LRRC4C: variants seen among roughly 807,000 people sequenced by gnomAD.
The protein encoded by LRRC4C is leucine-rich repeat-containing protein 4C.
A neutral mutation model predicts 33.6 loss-of-function variants in LRRC4C; 5 were observed. The observed-to-expected ratio is 0.15, with a 90% CI of 0.08 to 0.31. The LOEUF (loss-of-function observed/expected upper bound fraction) is 0.31, where lower values mean the gene tolerates loss of function less well. LRRC4C is among the 10% of genes least tolerant of loss of function. The probability of loss-of-function intolerance (pLI) is 1.00; values close to 1 mark genes in which losing one functional copy is unlikely to be tolerated. For synonymous variants in LRRC4C, 329 were observed against 302.0 expected, an observed-to-expected ratio of 1.09 and a Z score of -0.93; for missense variants, 560 against 796.7, an observed-to-expected ratio of 0.70 and a Z score of 3.58.
At chr11:40,200,180 T>TAAAAAAAA (rs56269292) in intron 5 of LRRC4C, among the ~76,000 whole-genome samples, 4 of 26,046 alleles carry the variant, frequency 1.5e-4, no homozygotes, top group East Asian at 1.4e-3. Context: ...CTGTCTCCAC[T>TAAAAAAAA]AAAAAAAAAA....
chr11:40,948,505 T>G (rs1206166940), intron 1 of LRRC4C, among the ~76,000 whole-genome samples: 37 of 139,218 alleles, frequency 2.7e-4, no homozygotes, highest in African/African-American at 9.3e-4. Context: ...CTCCCAATGC[T>G]ATCCCTCCCC....
intron 2 of LRRC4C, among the ~76,000 whole-genome samples, chr11:40,764,034 G>A (rs1400470730): frequency 6.6e-6 from 1 of 152,138 alleles, no homozygotes; most frequent in African/African-American, 2.4e-5. Context: ...ATTGCAGCTT[G>A]CACTTTGGGG....
intron 3 of LRRC4C, among the ~76,000 whole-genome samples, chr11:40,356,095 T>C (rs1417300386): frequency 6.6e-6 from 1 of 152,118 alleles, no homozygotes. Context: ...TCTTATATTT[T>C]CAGGGTCTCG....
At chr11:40,446,590 T>G (rs1651409994) in intron 3 of LRRC4C, 2 of 152,152 alleles carry the variant, frequency 1.3e-5, no homozygotes, top group African/African-American at 2.4e-5. Context: ...TGTATTAGTC[T>G]GTTGTCAAAT....
At chr11:40,476,349 T>C (rs1352207261) in intron 3 of LRRC4C, among the ~76,000 whole-genome samples, 4 of 144,012 alleles carry the variant, frequency 2.8e-5, no homozygotes, top group Non-Finnish European at 3.0e-5. Flanking sequence ...CTTCTTTTTT[T>C]TTTTTTTTTT....
chr11:41,447,184 G>C (rs962676386), intron 1 of LRRC4C, among the ~76,000 whole-genome samples: 2 of 152,054 alleles, frequency 1.3e-5, no homozygotes, highest in African/African-American at 4.8e-5. Context: ...ACAATTATTA[G>C]CTGTATTATC....
intron 4 of LRRC4C, among the ~76,000 whole-genome samples, chr11:40,286,354 T>C (rs139282868): frequency 1.3e-5 from 2 of 152,256 alleles, no homozygotes; most frequent in East Asian, 3.9e-4. Flanking sequence ...TACTAGATAC[T>C]TGTAAACCCG....
chr11:40,337,072 C>G (rs182022109), intron 3 of LRRC4C, among the ~76,000 whole-genome samples: 6 of 150,274 alleles, frequency 4.0e-5, no homozygotes, highest in African/African-American at 1.5e-4. Context: ...AGCGCACATC[C>G]GAAGCGAGAC....
At chr11:40,466,514 C>T (rs541040341) in intron 3 of LRRC4C, among the ~76,000 whole-genome samples, 1 of 151,774 alleles carries the variant, frequency 6.6e-6, no homozygotes, top group African/African-American at 2.4e-5. Flanking sequence ...TGAATACCTA[C>T]CATTTTTCAG....
At chr11:40,959,435 T>C (rs1959099897) in intron 1 of LRRC4C, among the ~76,000 whole-genome samples, 2 of 151,628 alleles carry the variant, frequency 1.3e-5, no homozygotes, top group Admixed American at 1.3e-4. Flanking sequence ...AAAAAATCCA[T>C]TTTTATTATA....
chr11:41,161,197 A>T (rs985795618), intron 1 of LRRC4C, among the ~76,000 whole-genome samples: 1 of 152,206 alleles, frequency 6.6e-6, no homozygotes, highest in South Asian at 2.1e-4. Flanking sequence ...AAGACATTCC[A>T]TAGTCAGTAT....
chr11:40,532,419 C>A (rs1041966500), intron 3 of LRRC4C, among the ~76,000 whole-genome samples: 2 of 151,600 alleles, frequency 1.3e-5, no homozygotes, highest in African/African-American at 4.8e-5. Context: ...AATCTATAGA[C>A]CATATATTGC....
chr11:40,202,281 G>A (rs1862817485), intron 5 of LRRC4C, among the ~76,000 whole-genome samples: 1 of 148,446 alleles, frequency 6.7e-6, no homozygotes, highest in South Asian at 2.1e-4. Flanking sequence ...GCTGTCCAAA[G>A]TAGGCAGGTT....
At chr11:40,791,509 A>G (rs1401562656) in intron 2 of LRRC4C, among the ~76,000 whole-genome samples, 2 of 152,292 alleles carry the variant, frequency 1.3e-5, no homozygotes, top group South Asian at 2.1e-4. Context: ...AATTTCCATA[A>G]AAGTTTTGTA....
intron 1 of LRRC4C, among the ~76,000 whole-genome samples, chr11:41,043,751 A>G (rs914062684): frequency 6.6e-6 from 1 of 152,164 alleles, no homozygotes; most frequent in Non-Finnish European, 1.5e-5. Context: ...TTATTTTACC[A>G]TTATGATTTA....
At chr11:40,307,640 T>C (rs1249775189) in intron 4 of LRRC4C, among the ~76,000 whole-genome samples, 1 of 152,220 alleles carries the variant, frequency 6.6e-6, no homozygotes, top group African/African-American at 2.4e-5. Context: ...AACTGAAAAC[T>C]GCATGAGAAT....
intron 3 of LRRC4C, among the ~76,000 whole-genome samples, chr11:40,382,128 T>TC: frequency 2.6e-5 from 1 of 38,872 alleles, no homozygotes; most frequent in Middle Eastern, 9.8e-3. Context: ...GGCTAATTTT[T>TC]TTTTTTTTTT....
intron 5 of LRRC4C, among the ~76,000 whole-genome samples, chr11:40,181,050 G>A (rs1484582107): frequency 6.6e-6 from 1 of 152,158 alleles, no homozygotes; most frequent in Admixed American, 6.5e-5. Context: ...TACCCTTTGA[G>A]TAATAGTTTA....
intron 3 of LRRC4C, among the ~76,000 whole-genome samples, chr11:40,344,827 T>C (rs1210029957): frequency 6.6e-6 from 1 of 151,966 alleles, no homozygotes; most frequent in Non-Finnish European, 1.5e-5. Flanking sequence ...AAAATCAATG[T>C]AAAAAATCAG....
Sources: gnomAD v4.1 joint callset for allele counts (sites outside exome capture counted in the v4.1 genomes callset) on GRCh38, gnomAD v4.1.1 for gene constraint, MANE v1.5 for transcripts, NCBI Gene and HGNC (gene_info 2026-07-23, HGNC 2026-07-21) for gene names.